The following TAS2R1 variants were observed in gnomAD, a reference collection of about 807,000 sequenced individuals.
TAS2R1 encodes taste 2 receptor member 1, also known as taste receptor type 2 member 1.
For missense variants in TAS2R1, 370 were observed against 353.4 expected (o/e 1.05, Z -0.38); for synonymous variants, 141 against 134.2 (o/e 1.05, Z -0.35).
the TAS2R1 span, among the ~76,000 whole-genome samples, chr5:9,754,234 A>G: frequency 6.6e-6 from 1 of 152,184 alleles, no homozygotes; most frequent in Non-Finnish European, 1.5e-5. Context: ...CTCTCAATAA[A>G]TTAGGTATTG....
the TAS2R1 span, among the ~76,000 whole-genome samples, chr5:9,719,112 T>A: frequency 2.0e-5 from 3 of 152,218 alleles, no homozygotes; most frequent in Non-Finnish European, 4.4e-5. Context: ...TAGTGTAACA[T>A]CATTAGTGTA....
intron 1 of TAS2R1, among the ~76,000 whole-genome samples, chr5:9,705,351 T>G (rs1017828678): frequency 3.3e-5 from 5 of 152,212 alleles, no homozygotes; most frequent in African/African-American, 4.8e-5. Flanking sequence ...AGTTATATCT[T>G]GTGAGCATGC....
At chr5:9,642,162 T>C (rs986606096) in intron 2 of TAS2R1, among the ~76,000 whole-genome samples, 3 of 152,196 alleles carry the variant, frequency 2.0e-5, no homozygotes, top group South Asian at 2.1e-4. Flanking sequence ...TGGAAAGCTT[T>C]TCATCAGGTA....
At position 9,665,949 on chromosome 5, in the gene TAS2R1, T is replaced by A. The variant is rs1196347136; in HGVS notation, c.-241-6368A>T. ...CATTACCCTACTTTTGAGCTAATAGTTTAAGATGTAGCCTTGCTAGGTTTC... is the reference window on the plus strand; with the variant it reads ...CATTACCCTACTTTTGAGCTAATAGATTAAGATGTAGCCTTGCTAGGTTTC... On this transcript the variant is annotated intron_variant, in intron 1 of 2. Transcript: ENST00000506620. Among the ~76,000 whole-genome samples the A allele has an allele frequency of 1.3e-5, 2 of 152,220 alleles. 1 individual carries two copies. The highest frequency in any genetic ancestry group is 6.3e-3 in the Middle Eastern group (2 of 316).
At chr5:9,824,864 G>A in the TAS2R1 span, among the ~76,000 whole-genome samples, 1 of 148,612 alleles carries the variant, frequency 6.7e-6, no homozygotes, top group East Asian at 2.0e-4. Flanking sequence ...AAAAAGGCAG[G>A]GGGGAAGAGA....
intron 2 of TAS2R1, among the ~76,000 whole-genome samples, chr5:9,652,317 G>A (rs2285622): frequency 0.12 from 17,985 of 152,180 alleles, 1,279 homozygotes; most frequent in South Asian, 0.17. Flanking sequence ...CTTTTTCCTG[G>A]AAACACAGCT....
rs536241489 is a variant in TAS2R1 at position 9,677,450 on chromosome 5, A to T, written c.-241-17869T>A. Among the ~76,000 whole-genome samples the T allele has an allele frequency of 5.5e-4, 7 of 12,654 alleles. No individual in the cohort carries two copies. In the South Asian group the frequency reaches 0.01, roughly 19 times the overall value. 8.3% of individuals were successfully genotyped at this position (12,654 alleles called of 152,430 possible). A position where few individuals can be genotyped will look rare whatever the true frequency, so the allele number is the denominator to read the frequency against. On this transcript the variant is annotated intron_variant, in intron 1 of 2. Coordinates refer to the TAS2R1 transcript ENST00000506620. ...GAGAACCAAAAGACAAGACAGAATT[A>T]AAAAAAAAAAATTTGCAGGCCTCAT...
the TAS2R1 span, among the ~76,000 whole-genome samples, chr5:9,764,808 CA>C: frequency 1.3e-5 from 2 of 152,118 alleles, no homozygotes; most frequent in Non-Finnish European, 2.9e-5. Flanking sequence ...AGATTTTGAC[CA>C]AGGTTTATGT....
chr5:9,777,981 C>A, the TAS2R1 span, among the ~76,000 whole-genome samples: 1 of 150,874 alleles, frequency 6.6e-6, no homozygotes, highest in East Asian at 2.0e-4. Context: ...CCCGGGTTCA[C>A]GCCATTCTCC....
intron 1 of TAS2R1, among the ~76,000 whole-genome samples, chr5:9,665,168 T>A (rs1740606800): frequency 6.6e-6 from 1 of 152,110 alleles, no homozygotes; most frequent in African/African-American, 2.4e-5. Flanking sequence ...AGAACTGAGG[T>A]CCCATTCTTT....
At chr5:9,770,103 G>A in the TAS2R1 span, among the ~76,000 whole-genome samples, 2 of 152,062 alleles carry the variant, frequency 1.3e-5, no homozygotes, top group African/African-American at 4.8e-5. Context: ...ATGGCAAGAT[G>A]GGGTCTAGTA....
At chr5:9,699,472 T>G (rs917785405) in intron 1 of TAS2R1, among the ~76,000 whole-genome samples, 1 of 152,200 alleles carries the variant, frequency 6.6e-6, no homozygotes, top group Non-Finnish European at 1.5e-5. Flanking sequence ...CCTACTGACC[T>G]TGAGCCACTA....
At chr5:9,748,231 T>TTTTA in the TAS2R1 span, among the ~76,000 whole-genome samples, 7 of 152,204 alleles carry the variant, frequency 4.6e-5, no homozygotes, top group South Asian at 2.1e-4. Context: ...AGGTCTAAAT[T>TTTTA]TTTATTTATT....
At chr5:9,639,243 A>G (rs998738100) in intron 2 of TAS2R1, among the ~76,000 whole-genome samples, 4 of 152,118 alleles carry the variant, frequency 2.6e-5, no homozygotes, top group Non-Finnish European at 4.4e-5. Flanking sequence ...TGTGAGATAT[A>G]CTCAATGATG....
At chr5:9,849,728 G>C in the TAS2R1 span, among the ~76,000 whole-genome samples, 1 of 152,184 alleles carries the variant, frequency 6.6e-6, no homozygotes, top group Admixed American at 6.5e-5. Context: ...TCCACTTAAA[G>C]AGCCTGTAAC....
chr5:9,870,131 A>C, the TAS2R1 span: 1 of 152,306 alleles, frequency 6.6e-6, no homozygotes, highest in East Asian at 1.9e-4. Context: ...CTCCCTTGCA[A>C]GTGCATGACT....
At chr5:9,786,777 A>C in the TAS2R1 span, among the ~76,000 whole-genome samples, 1 of 152,164 alleles carries the variant, frequency 6.6e-6, no homozygotes, top group African/African-American at 2.4e-5. Context: ...AAGGAGAAAT[A>C]ACCTCCTTTA....
At chr5:9,868,133 G>A in the TAS2R1 span, among the ~76,000 whole-genome samples, 1 of 152,188 alleles carries the variant, frequency 6.6e-6, no homozygotes, top group Non-Finnish European at 1.5e-5. Context: ...CAAGCTGTTG[G>A]TGGATCTACC....
chr5:9,705,442 C>T (rs1446804865), intron 1 of TAS2R1, among the ~76,000 whole-genome samples: 5 of 152,128 alleles, frequency 3.3e-5, no homozygotes. Context: ...AATTAAAATT[C>T]AGTTCTGATT....
Sources: gnomAD v4.1 joint callset for allele counts (sites outside exome capture counted in the v4.1 genomes callset) on GRCh38, gnomAD v4.1.1 for gene constraint, MANE v1.5 for transcripts, NCBI Gene and HGNC (gene_info 2026-07-23, HGNC 2026-07-21) for gene names.